SPPL3: variants seen among roughly 807,000 people sequenced by gnomAD.
SPPL3 encodes signal peptide peptidase-like 3.
Under a neutral mutation model 42.4 loss-of-function variants are expected in SPPL3, and 5 were observed. That is an observed-to-expected ratio of 0.12 (90% CI 0.06 to 0.25). The LOEUF (loss-of-function observed/expected upper bound fraction) is 0.25, where lower values mean the gene tolerates loss of function less well. SPPL3 is among the 10% of genes least tolerant of loss of function. The pLI is 1.00. For synonymous variants in SPPL3, 195 were observed against 181.8 expected, an observed-to-expected ratio of 1.07 and a Z score of -0.58; for missense variants, 235 against 489.0, an observed-to-expected ratio of 0.48 and a Z score of 4.90.
chr12:120,895,374 C>T (rs1873768786), intron 1 of SPPL3, among the ~76,000 whole-genome samples: 1 of 151,710 alleles, frequency 6.6e-6, no homozygotes, highest in Non-Finnish European at 1.5e-5. Context: ...TTGCAGTGAG[C>T]CAAGATCGCG....
intron 10 of SPPL3, among the ~76,000 whole-genome samples, 155 bp downstream of exon 10, chr12:120,766,096 GCGCGCACACACA>G (rs1566035706): frequency 1.1e-5 from 1 of 90,724 alleles, no homozygotes; most frequent in African/African-American, 5.1e-5. Context: ...GGTAGCGCGC[GCGCGCACACACA>G]CACACACACA....
At position 120,788,500 on chromosome 12, in the gene SPPL3, C is replaced by A. The variant is rs114569743; in HGVS notation, c.190+2969G>T. On this transcript the variant is annotated intron_variant, in intron 3 of 10. Transcript: ENST00000353487. ...CATGAGTCACATGGCCCATCTAACC[C>A]TCTGTTGAGTCTCACTTAATGCTTC... is the stretch of plus-strand genomic sequence containing the variant. Among the ~76,000 whole-genome samples the A allele has an allele frequency of 3.4e-3, 517 of 152,306 alleles. 3 individuals carry two copies. The highest frequency in any genetic ancestry group is 0.012 in the African/African-American group (499 of 41,560).
At chr12:120,842,740 A>C (rs1364486858) in intron 1 of SPPL3, among the ~76,000 whole-genome samples, 1 of 152,130 alleles carries the variant, frequency 6.6e-6, no homozygotes, top group Admixed American at 6.6e-5. Flanking sequence ...TTCATCACTT[A>C]ATCACTTACC....
At chr12:120,903,790 G>A (rs1874065575) in intron 1 of SPPL3, 55 bp downstream of exon 1, 2 of 1,182,436 alleles carry the variant, frequency 1.7e-6, no homozygotes, top group South Asian at 1.5e-5. Context: ...GGGCCGCGCC[G>A]GCGCCCCGAC....
chr12:120,823,330 G>C (rs1231963182), intron 1 of SPPL3, among the ~76,000 whole-genome samples: 1 of 151,942 alleles, frequency 6.6e-6, no homozygotes, highest in Non-Finnish European at 1.5e-5. Context: ...GTCTTCACTG[G>C]TATCTCCTTG....
At chr12:120,895,246 G>A (rs926845554) in intron 1 of SPPL3, among the ~76,000 whole-genome samples, 3 of 152,000 alleles carry the variant, frequency 2.0e-5, no homozygotes, top group Admixed American at 6.6e-5. Context: ...TGGCCAACTC[G>A]GTGAAACTCC....
At chr12:120,804,715 A>G (rs1198989303) in intron 2 of SPPL3, among the ~76,000 whole-genome samples, 1 of 152,172 alleles carries the variant, frequency 6.6e-6, no homozygotes, top group Admixed American at 6.5e-5. Flanking sequence ...ACTAAGAGTT[A>G]CCATTAGACC....
intron 1 of SPPL3, among the ~76,000 whole-genome samples, chr12:120,844,893 T>C (rs1472082070): frequency 1.3e-5 from 2 of 151,888 alleles, no homozygotes; most frequent in Non-Finnish European, 2.9e-5. Flanking sequence ...CTGACTAATA[T>C]TGCACAGGAG....
intron 1 of SPPL3, among the ~76,000 whole-genome samples, chr12:120,899,888 C>CAA (rs34814522): frequency 0.64 from 45,522 of 71,682 alleles, 15,973 homozygotes; most frequent in Non-Finnish European, 0.73. Context: ...GACCCTGTCT[C>CAA]AAAAAAAAAA....
intron 2 of SPPL3, among the ~76,000 whole-genome samples, chr12:120,807,491 T>C (rs1649080085): frequency 6.6e-6 from 1 of 151,784 alleles, no homozygotes; most frequent in African/African-American, 2.4e-5. Context: ...CTGACCAACA[T>C]GCAGAAACAC....
intron 1 of SPPL3, among the ~76,000 whole-genome samples, chr12:120,879,302 C>G (rs974002902): frequency 6.6e-6 from 1 of 151,980 alleles, no homozygotes; most frequent in Non-Finnish European, 1.5e-5. Context: ...TCATCTCCCC[C>G]GCTCCAAAAG....
At chr12:120,821,325 C>T (rs914243723) in intron 1 of SPPL3, among the ~76,000 whole-genome samples, 3 of 152,222 alleles carry the variant, frequency 2.0e-5, no homozygotes, top group Non-Finnish European at 4.4e-5. Context: ...CCAAAGCATG[C>T]GCTTTTGATT....
chr12:120,809,367 A>C (rs942353512), intron 2 of SPPL3, among the ~76,000 whole-genome samples: 5 of 151,714 alleles, frequency 3.3e-5, no homozygotes, highest in Non-Finnish European at 5.9e-5. Context: ...ACCAAAAAAA[A>C]CCTTTTATCG....
At chr12:120,774,843 TTA>T (rs1344988581) in intron 6 of SPPL3, among the ~76,000 whole-genome samples, 1 of 152,106 alleles carries the variant, frequency 6.6e-6, no homozygotes, top group Admixed American at 6.6e-5. Context: ...AGACTCTCTC[TTA>T]TAGGTTTACC....
intron 2 of SPPL3, among the ~76,000 whole-genome samples, chr12:120,795,271 T>A (rs1397906890): frequency 6.6e-6 from 1 of 152,334 alleles, no homozygotes; most frequent in East Asian, 1.9e-4. Flanking sequence ...TTTACACAAC[T>A]GTAAATAGAA....
At chr12:120,853,478 G>A (rs990636926) in intron 1 of SPPL3, among the ~76,000 whole-genome samples, 1 of 152,112 alleles carries the variant, frequency 6.6e-6, no homozygotes, top group Admixed American at 6.5e-5. Flanking sequence ...GTACACAATA[G>A]TAGCAAAACA....
Position 120,829,810 on chromosome 12 carries a change from A to G in SPPL3, c.24-18924T>C, listed in dbSNP as rs1429825821. ...GGGAGTTTGAGCCAGCCTGGCCACC[A>G]TGGTAAAACCCTGTTTCTACTAAAA... On this transcript the variant is annotated intron_variant, in intron 1 of 10. Transcript: ENST00000353487. Among the ~76,000 whole-genome samples, 4 of 152,114 alleles carry G rather than the reference A, an allele frequency of 2.6e-5. No individual in the cohort carries two copies. In the East Asian group the frequency reaches 7.7e-4, roughly 29 times the overall value.
At chr12:120,868,895 T>C (rs1484558651) in intron 1 of SPPL3, among the ~76,000 whole-genome samples, 2 of 152,164 alleles carry the variant, frequency 1.3e-5, no homozygotes, top group Non-Finnish European at 2.9e-5. Context: ...GCTGTGGAGG[T>C]GCCATAGCGA....
In SPPL3 at chr12:120,764,971, G is replaced by A. The variant is rs570772722; in HGVS notation, c.*28C>T. 3.7e-6 allele frequency: 6 copies of A among 1,609,838 alleles called. No homozygotes were observed. In the African/African-American group the frequency reaches 6.7e-5, roughly 18 times the overall value. On this transcript the variant is annotated 3_prime_UTR_variant, in exon 11 of 11. Coordinates refer to ENST00000353487, the MANE Select transcript of SPPL3 (RefSeq NM_139015.5). ...GAGTTGAGAGAAAAGGACTATGACGGCCATCTGGTCACTTTCCACGTGATC... is the reference window on the plus strand; with the variant it reads ...GAGTTGAGAGAAAAGGACTATGACGACCATCTGGTCACTTTCCACGTGATC...
Sources: allele counts gnomAD v4.1 joint callset (sites outside exome capture counted in the v4.1 genomes callset), GRCh38; gene constraint gnomAD v4.1.1; transcripts MANE v1.5; gene names NCBI Gene and HGNC (gene_info 2026-07-23, HGNC 2026-07-21).